UNC5C: variants seen among roughly 807,000 people sequenced by gnomAD.
UNC5C encodes the protein unc-5 netrin receptor C.
UNC5C carries 47 observed loss-of-function variants against 99.8 expected under a neutral mutation model. That is an observed-to-expected ratio of 0.47 (90% CI 0.37 to 0.60). UNC5C has a LOEUF of 0.60. UNC5C is among the 20% of genes least tolerant of loss of function. The probability of loss-of-function intolerance (pLI) is 0.00; values close to 1 mark genes in which losing one functional copy is unlikely to be tolerated. For synonymous variants in UNC5C, 487 were observed against 452.2 expected, an observed-to-expected ratio of 1.08 and a Z score of -0.98; for missense variants, 1,062 against 1,165.9, an observed-to-expected ratio of 0.91 and a Z score of 1.30.
chr4:95,420,608 G>T (rs1273108454), intron 1 of UNC5C, among the ~76,000 whole-genome samples: 1 of 152,024 alleles, frequency 6.6e-6, no homozygotes, highest in Non-Finnish European at 1.5e-5. Context: ...AAATGGAATT[G>T]CCTTTTAGAT....
chr4:95,546,354 G>A (rs1385189916), intron 1 of UNC5C, among the ~76,000 whole-genome samples: 1 of 152,204 alleles, frequency 6.6e-6, no homozygotes, highest in East Asian at 1.9e-4. Context: ...AGTGTTAACG[G>A]TGGCTCAAGA....
At chr4:95,329,701 T>C (rs531102958) in intron 2 of UNC5C, among the ~76,000 whole-genome samples, 1 of 152,372 alleles carries the variant, frequency 6.6e-6, no homozygotes, top group South Asian at 2.1e-4. Flanking sequence ...TATGTATTTA[T>C]AAAATTAGCC....
intron 12 of UNC5C, among the ~76,000 whole-genome samples, chr4:95,198,505 G>C (rs577284815): frequency 6.6e-6 from 1 of 152,294 alleles, no homozygotes; most frequent in Non-Finnish European, 1.5e-5. Flanking sequence ...TTTGGGCAGA[G>C]AGACTGTGAT....
At position 95,250,659 on chromosome 4, in the gene UNC5C, C is replaced by T; in HGVS notation, c.603G>A (p.Trp201Ter). ...GATCAATTATGTCTTCATTTTTCAA[C>T]CATTCCACCTAAAGATAAATGAGAA... ...PEGIPVAEVE[W>*]LKNEDIIDPV... The change falls in exon 5 of 16, where the codon TGG becomes TGA. Residue 201 changes from tryptophan to a stop codon, truncating the protein, a stop_gained. Coordinates refer to ENST00000453304, the MANE Select transcript of UNC5C (RefSeq NM_003728.4). LOFTEE classifies it high-confidence loss of function. 1 of 1,613,716 alleles carries T rather than the reference C, an allele frequency of 6.2e-7. No individual in the cohort carries two copies. Among genetic ancestry groups the T allele is most frequent in the Non-Finnish European group, 8.5e-7 (1 of 1,179,806 alleles).
chr4:95,232,068 A>G (rs1295548898), intron 7 of UNC5C, among the ~76,000 whole-genome samples: 1 of 152,156 alleles, frequency 6.6e-6, no homozygotes, highest in Non-Finnish European at 1.5e-5. Flanking sequence ...TTAACATCCC[A>G]GGATGTAAAT....
rs956581892 is a variant in UNC5C, at chr4:95,186,416, T to C, written c.2137-1220A>G. The stretch of plus-strand genomic sequence containing the variant: ...CAGGCATGGGAACCAGATTGCCTCA[T>C]ATTCAGAAAAATGCATCCACCTTGC... On this transcript the variant is annotated intron_variant, in intron 12 of 15. Transcript: ENST00000453304. Among the ~76,000 whole-genome samples the C allele has an allele frequency of 3.3e-5, 5 of 152,188 alleles. No individual in the cohort carries two copies. In the South Asian group the frequency reaches 1.0e-3, roughly 32 times the overall value.
chr4:95,452,478 G>T (rs1747305605), intron 1 of UNC5C, among the ~76,000 whole-genome samples: 1 of 152,028 alleles, frequency 6.6e-6, no homozygotes, highest in Non-Finnish European at 1.5e-5. Context: ...CACACAAAGG[G>T]TGGCCCAGAT....
At chr4:95,481,197 C>A (rs1296145017) in intron 1 of UNC5C, among the ~76,000 whole-genome samples, 1 of 151,930 alleles carries the variant, frequency 6.6e-6, no homozygotes, top group Admixed American at 6.6e-5. Flanking sequence ...AAATCACAAG[C>A]ATTCTTATAC....
At chr4:95,227,167 C>T (rs562460955) in intron 7 of UNC5C, among the ~76,000 whole-genome samples, 16 of 148,900 alleles carry the variant, frequency 1.1e-4, no homozygotes, top group Admixed American at 5.4e-4. Context: ...ATATTTATTT[C>T]GAGATAGGGT....
chr4:95,528,977 G>C (rs927139254), intron 1 of UNC5C, among the ~76,000 whole-genome samples: 2 of 151,942 alleles, frequency 1.3e-5, no homozygotes, highest in African/African-American at 4.8e-5. Context: ...CCAGCAGAAA[G>C]TTAACAAAGC....
chr4:95,499,686 T>TC (rs927063837), intron 1 of UNC5C, among the ~76,000 whole-genome samples: 8 of 152,046 alleles, frequency 5.3e-5, no homozygotes, highest in Non-Finnish European at 1.2e-4. Flanking sequence ...ACCCCTTCAG[T>TC]CTTCCAGGGA....
At chr4:95,510,691 T>C (rs952889843) in intron 1 of UNC5C, among the ~76,000 whole-genome samples, 1 of 152,122 alleles carries the variant, frequency 6.6e-6, no homozygotes, top group Non-Finnish European at 1.5e-5. Flanking sequence ...CCCAGGCAAG[T>C]TGTCATACAG....
intron 1 of UNC5C, among the ~76,000 whole-genome samples, chr4:95,371,790 A>T (rs1579365281): frequency 6.6e-6 from 1 of 152,180 alleles, no homozygotes; most frequent in South Asian, 2.1e-4. Context: ...TGGAAATCAA[A>T]TGGGTATTTA....
rs763753156 is a variant in UNC5C at position 95,336,753 on chromosome 4, A to G, written c.125-1122T>C. 4.6e-5 allele frequency among the ~76,000 whole-genome samples: 7 copies of G among 151,924 alleles called. No homozygotes were observed. The South Asian group carries it at 8.3e-4, about 18-fold the overall frequency. Reference sequence around the variant, plus strand: ...CACTTGCATCACTGACAAAACTAGCATTCCAAGCTGCCCACAGTAGTAAAT... The same window carrying G: ...CACTTGCATCACTGACAAAACTAGCGTTCCAAGCTGCCCACAGTAGTAAAT... On this transcript the variant is annotated intron_variant, in intron 1 of 15. Transcript: ENST00000453304.
chr4:95,329,647 AT>A (rs1451566823), intron 2 of UNC5C, among the ~76,000 whole-genome samples: 1 of 152,142 alleles, frequency 6.6e-6, no homozygotes, highest in Non-Finnish European at 1.5e-5. Context: ...TCGATTTTCT[AT>A]TCGGTTGCTG....
At chr4:95,347,803 C>T (rs1743834823) in intron 1 of UNC5C, among the ~76,000 whole-genome samples, 1 of 151,868 alleles carries the variant, frequency 6.6e-6, no homozygotes, top group African/African-American at 2.4e-5. Flanking sequence ...AACCATGGAA[C>T]CACTAAAAAT....
chr4:95,423,233 A>T (rs1027804966), intron 1 of UNC5C, among the ~76,000 whole-genome samples: 8 of 152,186 alleles, frequency 5.3e-5, no homozygotes, highest in African/African-American at 1.9e-4. Flanking sequence ...TGGGAATTGG[A>T]GGACATAAAA....
Position 95,497,532 on chromosome 4 carries a change from T to C in UNC5C, c.124+51202A>G, listed in dbSNP as rs536469660. On this transcript the variant is annotated intron_variant, in intron 1 of 15. Transcript: ENST00000453304. Reference sequence around the variant, plus strand: ...GCAATCACTGTGCTGGTCTTCACGCTGTGTAGATAAGACATGGGCTATACT... The same window carrying C: ...GCAATCACTGTGCTGGTCTTCACGCCGTGTAGATAAGACATGGGCTATACT... 3.3e-5 allele frequency among the ~76,000 whole-genome samples: 5 copies of C among 152,038 alleles called. No individual in the cohort carries two copies. In the East Asian group the frequency reaches 9.7e-4, roughly 30 times the overall value.
At chr4:95,348,562 G>A (rs544862648) in intron 1 of UNC5C, among the ~76,000 whole-genome samples, 3 of 150,008 alleles carry the variant, frequency 2.0e-5, no homozygotes, top group South Asian at 4.3e-4. Flanking sequence ...TATGCACAAT[G>A]TGGTAGATAT....
Sources: gnomAD v4.1 joint callset for allele counts (sites outside exome capture counted in the v4.1 genomes callset) on GRCh38, gnomAD v4.1.1 for gene constraint, MANE v1.5 for transcripts, NCBI Gene and HGNC (gene_info 2026-07-23, HGNC 2026-07-21) for gene names.